Variants in GABBR2 observed in about 807,000 individuals in gnomAD.
GABBR2 encodes the protein G-protein coupled receptor 51.
A neutral mutation model predicts 105.6 loss-of-function variants in GABBR2; 23 were observed. That is an observed-to-expected ratio of 0.22 (90% CI 0.16 to 0.31). The LOEUF (loss-of-function observed/expected upper bound fraction) is 0.31, where lower values mean the gene tolerates loss of function less well. Ranked by LOEUF, GABBR2 falls within the 10% of genes least tolerant of loss-of-function variation. The pLI, the probability that GABBR2 is intolerant of heterozygous loss-of-function variation, is 1.00. For missense variants in GABBR2, 734 were observed against 1,245.5 expected, an observed-to-expected ratio of 0.59 and a Z score of 6.18; for synonymous variants, 478 against 499.7, an observed-to-expected ratio of 0.96 and a Z score of 0.58.
chr9:98,606,726 C>T (rs994250380), intron 1 of GABBR2: 5 of 237,690 alleles, frequency 2.1e-5, no homozygotes, highest in South Asian at 5.6e-5. Flanking sequence ...GTGATCCGCC[C>T]GCCTCGGCCC....
intron 1 of GABBR2, among the ~76,000 whole-genome samples, chr9:98,653,109 G>A (rs1830132523): frequency 6.6e-6 from 1 of 152,218 alleles, no homozygotes; most frequent in South Asian, 2.1e-4. Context: ...CAATCCCACT[G>A]CCTCAGCCTC....
intron 1 of GABBR2, among the ~76,000 whole-genome samples, chr9:98,650,788 A>G (rs569789745): frequency 1.1e-4 from 16 of 152,316 alleles, no homozygotes; most frequent in African/African-American, 3.8e-4. Context: ...ATGCTACAAC[A>G]TGGATGAGTT....
At chr9:98,530,912 T>G (rs544153057) in intron 3 of GABBR2, among the ~76,000 whole-genome samples, 1 of 152,060 alleles carries the variant, frequency 6.6e-6, no homozygotes, top group South Asian at 2.1e-4. Flanking sequence ...CTGATGTGTG[T>G]GTGTATAGAG....
intron 8 of GABBR2, among the ~76,000 whole-genome samples, chr9:98,394,498 G>A (rs983575673): frequency 1.3e-5 from 2 of 152,146 alleles, no homozygotes; most frequent in Non-Finnish European, 2.9e-5. Context: ...CTCAAAGATG[G>A]GGAGCCCAGG....
At chr9:98,684,169 T>TTTAAAAAAAAA (rs376323708) in intron 1 of GABBR2, among the ~76,000 whole-genome samples, 1 of 66,116 alleles carries the variant, frequency 1.5e-5, no homozygotes, top group East Asian at 5.3e-4. Flanking sequence ...TTTACCACGG[T>TTTAAAAAAAAA]AAAAAAAAAA....
intron 3 of GABBR2, among the ~76,000 whole-genome samples, chr9:98,507,083 C>T (rs929309880): frequency 7.9e-5 from 12 of 152,168 alleles, no homozygotes; most frequent in Admixed American, 2.0e-4. Flanking sequence ...AATCAAATCC[C>T]TCTTTCGATC....
intron 1 of GABBR2, among the ~76,000 whole-genome samples, chr9:98,588,743 C>T (rs1466954826): frequency 6.6e-6 from 1 of 152,142 alleles, no homozygotes; most frequent in Non-Finnish European, 1.5e-5. Flanking sequence ...CCCAGCCCCT[C>T]CCCCCGACAA....
intron 3 of GABBR2, among the ~76,000 whole-genome samples, chr9:98,536,748 TACCGCAGCCCCTCAATGTGC>T (rs1418709021): frequency 6.6e-6 from 1 of 152,090 alleles, no homozygotes; most frequent in African/African-American, 2.4e-5. Flanking sequence ...TCCAGTTCCT[TACCGCAGCCCCTCAATGTGC>T]ACACGGGTTA....
chr9:98,619,227 G>T (rs1829634846), intron 1 of GABBR2, among the ~76,000 whole-genome samples: 1 of 151,996 alleles, frequency 6.6e-6, no homozygotes, highest in African/African-American at 2.4e-5. Flanking sequence ...CCTGTAAGAA[G>T]CAAGGCAAAT....
At chr9:98,550,060 C>T (rs919444213) in intron 2 of GABBR2, among the ~76,000 whole-genome samples, 3 of 152,178 alleles carry the variant, frequency 2.0e-5, no homozygotes, top group Non-Finnish European at 2.9e-5. Flanking sequence ...CATCCTGGAG[C>T]GTCAAGATAG....
intron 7 of GABBR2, among the ~76,000 whole-genome samples, chr9:98,409,480 G>C (rs1205807279): frequency 6.6e-6 from 1 of 152,156 alleles, no homozygotes; most frequent in South Asian, 2.1e-4. Context: ...GCTAAGCACC[G>C]AGCCCAGGGC....
At chr9:98,444,879 G>GCGCACACA (rs939018102) in intron 7 of GABBR2, among the ~76,000 whole-genome samples, 46 of 151,042 alleles carry the variant, frequency 3.0e-4, no homozygotes, top group East Asian at 3.9e-4. Context: ...GCGCGCGCGC[G>GCGCACACA]CACACACACA....
intron 13 of GABBR2, among the ~76,000 whole-genome samples, chr9:98,343,069 C>T (rs1272406196): frequency 6.6e-6 from 1 of 152,248 alleles, no homozygotes; most frequent in Non-Finnish European, 1.5e-5. Context: ...CCACCAGGCT[C>T]AAAGCCAAGT....
intron 13 of GABBR2, among the ~76,000 whole-genome samples, chr9:98,358,965 C>A (rs578029214): frequency 6.6e-6 from 1 of 152,186 alleles, no homozygotes; most frequent in Non-Finnish European, 1.5e-5. Flanking sequence ...GCTGAGTGAC[C>A]TGGGCCAGTC....
chr9:98,332,366 A>G (rs1195778860), intron 13 of GABBR2, among the ~76,000 whole-genome samples: 5 of 152,188 alleles, frequency 3.3e-5, no homozygotes, highest in African/African-American at 1.2e-4. Context: ...GGGAGTGGAA[A>G]CAAATCAGAC....
intron 3 of GABBR2, among the ~76,000 whole-genome samples, chr9:98,520,458 G>A (rs1260225269): frequency 1.3e-5 from 2 of 151,418 alleles, no homozygotes; most frequent in African/African-American, 4.9e-5. Flanking sequence ...CCCACGGAGG[G>A]TAGGGAGGCA....
At chr9:98,586,688 G>A (rs542543799) in intron 1 of GABBR2, among the ~76,000 whole-genome samples, 3 of 152,316 alleles carry the variant, frequency 2.0e-5, no homozygotes, top group African/African-American at 7.2e-5. Context: ...ATACATATAA[G>A]TGGAATTGTG....
At chr9:98,385,463 G>A (rs1832055723) in intron 11 of GABBR2, among the ~76,000 whole-genome samples, 177 bp downstream of exon 11, 1 of 152,116 alleles carries the variant, frequency 6.6e-6, no homozygotes, top group Non-Finnish European at 1.5e-5. Flanking sequence ...TTTATACCCA[G>A]TGATGGCCTG....
intron 1 of GABBR2, among the ~76,000 whole-genome samples, chr9:98,690,565 C>T (rs1830670901): frequency 6.6e-6 from 1 of 152,144 alleles, no homozygotes; most frequent in South Asian, 2.1e-4. Flanking sequence ...TGGCAGGTAG[C>T]AAGGGGCTGG....
Sources: gnomAD v4.1 joint callset for allele counts (sites outside exome capture counted in the v4.1 genomes callset) on GRCh38, gnomAD v4.1.1 for gene constraint, MANE v1.5 for transcripts, NCBI Gene and HGNC (gene_info 2026-07-23, HGNC 2026-07-21) for gene names.